Variants in OGDHL observed in about 807,000 individuals in gnomAD.
The protein encoded by OGDHL is 2-oxoglutarate dehydrogenase-like, mitochondrial.
A neutral mutation model predicts 109.6 loss-of-function variants in OGDHL; 79 were observed. The ratio of observed to expected loss-of-function variants is 0.72; its 90% CI spans 0.60 to 0.87. The LOEUF (loss-of-function observed/expected upper bound fraction) is 0.87. Ranked by LOEUF, OGDHL falls within the 40% of genes least tolerant of loss-of-function variation. OGDHL has a pLI of 0.00. For synonymous variants in OGDHL, 528 were observed against 537.2 expected (o/e 0.98, Z 0.24); for missense variants, 1,275 against 1,362.2 (o/e 0.94, Z 1.01).
In OGDHL at chr10:49,751,994, A is replaced by G; in HGVS notation, c.595-13T>C. On this transcript the variant is annotated splice_polypyrimidine_tract_variant and intron_variant, in intron 5 of 22. Coordinates refer to ENST00000374103, the MANE Select transcript of OGDHL (RefSeq NM_018245.3). ...GGCAGTAGGTGTTCTGGGGAGACAC[A>G]TTGGGACCCCATGAGGAGCGGGGAA... 6 of 1,614,042 alleles carry G rather than the reference A, an allele frequency of 3.7e-6. No individual in the cohort carries two copies. Among genetic ancestry groups the G allele is most frequent in the South Asian group, 3.3e-5 (3 of 91,082 alleles).
At chr10:49,736,210 A>C in intron 21 of OGDHL, 33 bp from the exon 22 acceptor site, 9 of 1,571,680 alleles carry the variant, frequency 5.7e-6, no homozygotes, top group Non-Finnish European at 7.8e-6. Context: ...GCATAGCCAG[A>C]GGAGGGGCGG....
In OGDHL at chr10:49,735,352, C is replaced by G; in HGVS notation, c.2910-1G>C. Reference sequence around the variant, plus strand: ...AGCCGCTGGGTCCCGGCCAACATACCTGGAGGAGGAGAGACAAGCTAAGGG... The same window carrying G: ...AGCCGCTGGGTCCCGGCCAACATACGTGGAGGAGGAGAGACAAGCTAAGGG... On this transcript the variant is annotated splice_acceptor_variant, in intron 22 of 22. Coordinates refer to ENST00000374103, the MANE Select transcript of OGDHL (RefSeq NM_018245.3). LOFTEE classifies it high-confidence loss of function. 6.2e-7 allele frequency: 1 copy of G among 1,612,320 alleles called. No individual in the cohort carries two copies. The highest frequency in any genetic ancestry group is 1.3e-5 in the African/African-American group (1 of 75,026).
At chr10:49,749,979 GGCCCGAGGCTTAAA>G (rs1226510957) in intron 7 of OGDHL, among the ~76,000 whole-genome samples, 163 bp from the exon 8 acceptor site, 2 of 152,082 alleles carry the variant, frequency 1.3e-5, no homozygotes, top group Non-Finnish European at 2.9e-5. Context: ...CTGCTGTAAT[GGCCCGAGGCTTAAA>G]GCCCCATGCT....
rs1841588995 is a variant in OGDHL at position 49,740,756 on chromosome 10, G to A, written c.2094C>T (p.Ala698=). ...VPMNHLWPDQ[A]PYTVCNSSLS... ...GGGAGCTGTTGCACACGGTGTACGG[G>A]GCCTGGTCAGGCCAGAGATGATTCA... Residue 698 remains alanine, a synonymous_variant, in exon 16 of 23, where the codon GCC becomes GCT. Coordinates refer to ENST00000374103, the MANE Select transcript of OGDHL (RefSeq NM_018245.3). 3 of 1,613,900 alleles carry A rather than the reference G, an allele frequency of 1.9e-6. No individual in the cohort carries two copies. The highest frequency in any genetic ancestry group is 1.7e-6 in the Non-Finnish European group (2 of 1,179,834).
At chr10:49,754,449 T>C (rs527801880) in intron 3 of OGDHL, among the ~76,000 whole-genome samples, 62 of 152,056 alleles carry the variant, frequency 4.1e-4, no homozygotes, top group African/African-American at 1.3e-3. Context: ...AAGAAAAAAA[T>C]AAAGCAGTGA....
At chr10:49,756,110 A>G (rs1308476331) in intron 3 of OGDHL, among the ~76,000 whole-genome samples, 2 of 152,214 alleles carry the variant, frequency 1.3e-5, no homozygotes, top group Non-Finnish European at 2.9e-5. Context: ...CCTGTACCCT[A>G]GCCTTGCTGT....
chr10:49,752,349 C>A, intron 4 of OGDHL, 101 bp from the exon 5 acceptor site: 1 of 887,620 alleles, frequency 1.1e-6, no homozygotes, highest in Non-Finnish European at 1.8e-6. Context: ...CCAGTCTCCC[C>A]AGTGCCCTCC....
At chr10:49,744,500 G>T in intron 13 of OGDHL, 150 bp downstream of exon 13, 1 of 643,224 alleles carries the variant, frequency 1.6e-6, no homozygotes, top group Non-Finnish European at 2.7e-6. Flanking sequence ...GCAGGAATCG[G>T]CCCCACGCAG....
chr10:49,751,041 T>G, intron 6 of OGDHL, 56 bp from the exon 7 acceptor site: 1 of 1,495,018 alleles, frequency 6.7e-7, no homozygotes, highest in Non-Finnish European at 9.1e-7. Context: ...GGGAGGGGAC[T>G]GGGGCTCACA....
chr10:49,746,946 C>CTG (rs1434274332), intron 9 of OGDHL, 68 bp from the exon 10 acceptor site: 4 of 1,609,794 alleles, frequency 2.5e-6, no homozygotes, highest in Admixed American at 3.3e-5. Context: ...GGCACCTGTA[C>CTG]TGTGGAGACC....
chr10:49,742,570 AC>A (rs968672651), intron 15 of OGDHL, among the ~76,000 whole-genome samples: 1 of 123,144 alleles, frequency 8.1e-6, no homozygotes, highest in African/African-American at 3.2e-5. Flanking sequence ...CTCACCACAC[AC>A]CCCCCACACA....
chr10:49,756,992 A>G, intron 2 of OGDHL, 46 bp from the exon 3 acceptor site: 1 of 1,583,248 alleles, frequency 6.3e-7, no homozygotes, highest in Non-Finnish European at 8.6e-7. Flanking sequence ...GGGCCTGGGA[A>G]GAGTCAGGGG....
At position 49,738,073 on chromosome 10, in the gene OGDHL, C is replaced by A; in HGVS notation, c.2392-1G>T. 6.2e-7 allele frequency: 1 copy of A among 1,614,150 alleles called. No homozygotes were observed. Among genetic ancestry groups the A allele is most frequent in the South Asian group, 1.1e-5 (1 of 91,080 alleles). On this transcript the variant is annotated splice_acceptor_variant, in intron 18 of 22. Coordinates refer to ENST00000374103, the MANE Select transcript of OGDHL (RefSeq NM_018245.3). LOFTEE classifies it high-confidence loss of function. ...TCACCTCGAAGTCCTTGGTGAATGC[C>A]TGTGGGGACGAGATGCATATGGCCA...
Position 49,745,642 on chromosome 10 carries a change from G to A in OGDHL, c.1477-146C>T, listed in dbSNP as rs576356035. The A allele has an allele frequency of 4.7e-4, 616 of 1,300,372 alleles. 2 individuals carry two copies. The highest frequency in any genetic ancestry group is 3.0e-3 in the East Asian group (126 of 42,072). The allele number at this position is 1,300,372 out of a possible 1,614,324, so 80.6% of individuals were successfully genotyped here. A position where few individuals can be genotyped will look rare whatever the true frequency, so the allele number is the denominator to read the frequency against. ...TCACCTATCACCGAATGAATGTCCCGTCCCAGGCCTTTGCACAGATTGCTC... is the reference window on the plus strand; with the variant it reads ...TCACCTATCACCGAATGAATGTCCCATCCCAGGCCTTTGCACAGATTGCTC... On this transcript the variant is annotated intron_variant, in intron 11 of 22. Transcript: ENST00000374103.
Position 49,752,663 on chromosome 10 carries a change from G to C in OGDHL, c.453C>G (p.Asp151Glu), listed in dbSNP as rs1342319741. Reference sequence around the variant, plus strand: ...CCAGTTTATCAATGGTTGTGATCAAGTCTGAGGGCACAAAGGAGTCCAGGT... The same window carrying C: ...CCAGTTTATCAATGGTTGTGATCAACTCTGAGGGCACAAAGGAGTCCAGGT... ...DADLDSFVPS[D>E]LITTIDKLAF... Residue 151 changes from aspartate (D) to glutamate (E), a missense_variant, in exon 4 of 23, where the codon GAC becomes GAG. Transcript: ENST00000374103. 1.9e-6 allele frequency: 3 copies of C among 1,614,074 alleles called. No homozygotes were observed. Among genetic ancestry groups the C allele is most frequent in the Non-Finnish European group, 8.5e-7 (1 of 1,180,016 alleles).
At position 49,752,252 on chromosome 10, in the gene OGDHL, G is replaced by A. The variant is rs1842655655; in HGVS notation, c.479-4C>T. On this transcript the variant is annotated splice_region_variant and splice_polypyrimidine_tract_variant and intron_variant, in intron 4 of 22. Transcript: ENST00000374103. ...GCCTCCTGAAGGTCATAGAAGGCTGGAGAAGGAGGCGTGGCCGAGCCCCGG... is the reference window on the plus strand; with the variant it reads ...GCCTCCTGAAGGTCATAGAAGGCTGAAGAAGGAGGCGTGGCCGAGCCCCGG... 1 of 1,611,562 alleles carries A rather than the reference G, an allele frequency of 6.2e-7. No homozygotes were observed. The highest frequency in any genetic ancestry group is 8.5e-7 in the Non-Finnish European group (1 of 1,178,134).
At chr10:49,759,397 C>T (rs1166918617) in intron 1 of OGDHL, among the ~76,000 whole-genome samples, 1 of 152,000 alleles carries the variant, frequency 6.6e-6, no homozygotes, top group Non-Finnish European at 1.5e-5. Flanking sequence ...CCACCCAGAC[C>T]ACGGGGAACC....
At chr10:49,736,775 G>A (rs1206115977) in intron 20 of OGDHL, among the ~76,000 whole-genome samples, 1 of 152,146 alleles carries the variant, frequency 6.6e-6, no homozygotes, top group Non-Finnish European at 1.5e-5. Context: ...GACCGGAGGT[G>A]GGGGTACAAT....
chr10:49,738,392 A>T, intron 17 of OGDHL, 130 bp from the exon 18 acceptor site: 1 of 857,284 alleles, frequency 1.2e-6, no homozygotes, highest in East Asian at 2.6e-5. Flanking sequence ...CTGGAGCCTG[A>T]ACCATAGAAA....
Sources: allele counts gnomAD v4.1 joint callset (sites outside exome capture counted in the v4.1 genomes callset), GRCh38; gene constraint gnomAD v4.1.1; transcripts MANE v1.5; gene names NCBI Gene and HGNC (gene_info 2026-07-23, HGNC 2026-07-21).